CYP7B1: variants seen among roughly 807,000 people sequenced by gnomAD.
CYP7B1 encodes the protein cytochrome P450 family 7 subfamily B member 1, also known as cytochrome P450 7B1.
Under a neutral mutation model 42.7 loss-of-function variants are expected in CYP7B1, and 29 were observed. That is an observed-to-expected ratio of 0.68 (90% confidence interval 0.51 to 0.93). The LOEUF (loss-of-function observed/expected upper bound fraction) is 0.93. Among genes scored for constraint, CYP7B1 ranks in the 40% least tolerant of loss-of-function variants. The pLI, the probability that CYP7B1 is intolerant of heterozygous loss-of-function variation, is 0.00. For missense variants in CYP7B1, 655 were observed against 600.5 expected (o/e 1.09, Z -0.95); for synonymous variants, 235 against 218.2 (o/e 1.08, Z -0.68).
At chr8:64,796,841 T>G (rs904037209) in intron 1 of CYP7B1, among the ~76,000 whole-genome samples, 9 of 152,362 alleles carry the variant, frequency 5.9e-5, no homozygotes, top group African/African-American at 2.2e-4. Flanking sequence ...TTAAAAAATC[T>G]GTAAGAATAT....
At chr8:64,783,073 AAC>A (rs1351071608) in intron 1 of CYP7B1, among the ~76,000 whole-genome samples, 2 of 152,174 alleles carry the variant, frequency 1.3e-5, no homozygotes, top group African/African-American at 4.8e-5. Context: ...TCCTTTGAAA[AAC>A]ACAAAAATCC....
chr8:64,667,023 T>A (rs899697957), intron 1 of CYP7B1, among the ~76,000 whole-genome samples: 1 of 152,226 alleles, frequency 6.6e-6, no homozygotes, highest in Admixed American at 6.5e-5. Context: ...AATATCAGGA[T>A]ATTATAGAAA....
intron 1 of CYP7B1, among the ~76,000 whole-genome samples, chr8:64,748,423 C>T (rs1391812276): frequency 1.3e-5 from 2 of 152,188 alleles, no homozygotes; most frequent in Non-Finnish European, 2.9e-5. Flanking sequence ...CCAGTAAGTA[C>T]TTCTCAGTCC....
At chr8:64,733,878 G>A (rs932761485) in intron 1 of CYP7B1, among the ~76,000 whole-genome samples, 4 of 152,078 alleles carry the variant, frequency 2.6e-5, no homozygotes, top group Non-Finnish European at 5.9e-5. Flanking sequence ...GCTAAGGAAG[G>A]AGGATTGCTT....
chr8:64,770,099 C>T (rs1333228874), intron 1 of CYP7B1, among the ~76,000 whole-genome samples: 1 of 152,050 alleles, frequency 6.6e-6, no homozygotes, highest in African/African-American at 2.4e-5. Flanking sequence ...CCCTAAAAGC[C>T]ATATTGGGAA....
intron 1 of CYP7B1, among the ~76,000 whole-genome samples, chr8:64,722,466 T>C: frequency 6.6e-6 from 1 of 152,092 alleles, no homozygotes; most frequent in East Asian, 1.9e-4. Flanking sequence ...ATAAATACCT[T>C]TCTAACTTTA....
chr8:64,606,179 G>A (rs963502549), intron 4 of CYP7B1, among the ~76,000 whole-genome samples: 2 of 152,150 alleles, frequency 1.3e-5, no homozygotes, highest in Non-Finnish European at 2.9e-5. Flanking sequence ...GACTGCCTTC[G>A]TTATTATAAT....
chr8:64,637,601 A>C (rs1805792281), intron 1 of CYP7B1, among the ~76,000 whole-genome samples: 1 of 152,238 alleles, frequency 6.6e-6, no homozygotes, highest in South Asian at 2.1e-4. Flanking sequence ...ATTTATATAC[A>C]GAAATCATTA....
At chr8:64,615,590 A>G in intron 3 of CYP7B1, 101 bp downstream of exon 3, 1 of 1,111,678 alleles carries the variant, frequency 9.0e-7, no homozygotes, top group South Asian at 1.3e-5. Flanking sequence ...CCAATTAGAA[A>G]GAGCATAAAA....
At chr8:64,684,458 T>C (rs866319410) in intron 1 of CYP7B1, among the ~76,000 whole-genome samples, 1 of 152,264 alleles carries the variant, frequency 6.6e-6, no homozygotes, top group African/African-American at 2.4e-5. Flanking sequence ...TAGTATATGA[T>C]AAACCCTGTA....
chr8:64,611,739 T>C (rs1043913670), intron 4 of CYP7B1, among the ~76,000 whole-genome samples: 1 of 152,156 alleles, frequency 6.6e-6, no homozygotes, highest in Non-Finnish European at 1.5e-5. Flanking sequence ...ACATTAGGTG[T>C]CTACAATTCA....
At chr8:64,703,118 G>A (rs1806941991) in intron 1 of CYP7B1, among the ~76,000 whole-genome samples, 1 of 151,886 alleles carries the variant, frequency 6.6e-6, no homozygotes. Flanking sequence ...CTAGAGATGG[G>A]GTGAAAGGGC....
At chr8:64,743,469 T>C (rs1445264130) in intron 1 of CYP7B1, among the ~76,000 whole-genome samples, 1 of 152,202 alleles carries the variant, frequency 6.6e-6, no homozygotes, top group Non-Finnish European at 1.5e-5. Flanking sequence ...ATTTATTTTC[T>C]CGCAGTTCTG....
intron 1 of CYP7B1, among the ~76,000 whole-genome samples, chr8:64,704,425 T>C (rs935763868): frequency 1.3e-5 from 2 of 152,028 alleles, no homozygotes; most frequent in Non-Finnish European, 2.9e-5. Context: ...AATATGACTT[T>C]CCTAAGTAAC....
chr8:64,784,886 A>C (rs1204201221), intron 1 of CYP7B1, among the ~76,000 whole-genome samples: 1 of 152,168 alleles, frequency 6.6e-6, no homozygotes, highest in African/African-American at 2.4e-5. Flanking sequence ...AAGAAATTGG[A>C]CTTGATTAAA....
intron 1 of CYP7B1, among the ~76,000 whole-genome samples, chr8:64,648,273 C>T (rs1805984501): frequency 6.6e-6 from 1 of 152,236 alleles, no homozygotes; most frequent in South Asian, 2.1e-4. Flanking sequence ...TTTCATTATT[C>T]CTTGTCATAA....
chr8:64,795,289 C>T (rs192414259), intron 1 of CYP7B1, among the ~76,000 whole-genome samples: 2 of 152,340 alleles, frequency 1.3e-5, no homozygotes, highest in Admixed American at 1.3e-4. Flanking sequence ...ACTCAGAACT[C>T]GGGTAGGAAC....
chr8:64,719,794 T>A (rs1244712245), intron 1 of CYP7B1, among the ~76,000 whole-genome samples: 2 of 152,146 alleles, frequency 1.3e-5, no homozygotes, highest in Non-Finnish European at 1.5e-5. Context: ...ATAAACTTTC[T>A]CAAAGGGTAG....
chr8:64,714,436 G>A (rs1018095627), intron 1 of CYP7B1, among the ~76,000 whole-genome samples: 5 of 152,198 alleles, frequency 3.3e-5, no homozygotes, highest in African/African-American at 1.2e-4. Flanking sequence ...GGAAAACTGT[G>A]TATCTGGAGG....
Sources: gnomAD v4.1 joint callset for allele counts (sites outside exome capture counted in the v4.1 genomes callset) on GRCh38, gnomAD v4.1.1 for gene constraint, MANE v1.5 for transcripts, NCBI Gene and HGNC (gene_info 2026-07-23, HGNC 2026-07-21) for gene names.